C2CD2: variants seen among roughly 807,000 people sequenced by gnomAD.
C2CD2 encodes the protein C2 calcium dependent domain containing 2.
In C2CD2, 43 loss-of-function variants were observed where a neutral mutation model predicts 74.3. The observed-to-expected ratio is 0.58, with a 90% CI of 0.45 to 0.75. The LOEUF is 0.75. Among genes scored for constraint, C2CD2 ranks in the 30% least tolerant of loss-of-function variants. The pLI is 0.00. For missense variants in C2CD2, 801 were observed against 916.3 expected (o/e 0.87, Z 1.63); for synonymous variants, 422 against 390.7 (o/e 1.08, Z -0.94).
chr21:41,904,607 G>A (rs988163679), intron 11 of C2CD2, among the ~76,000 whole-genome samples: 2 of 152,170 alleles, frequency 1.3e-5, no homozygotes, highest in South Asian at 2.1e-4. Context: ...ACTGCAGGTG[G>A]GGGACCCAGC....
chr21:41,924,413 G>A lies in C2CD2; in HGVS notation c.379-2328C>T, dbSNP rs1009393799. Among the ~76,000 whole-genome samples, 5 of 152,316 alleles carry A rather than the reference G, an allele frequency of 3.3e-5. No homozygotes were observed. Among genetic ancestry groups the A allele is most frequent in the East Asian group, 3.9e-4 (2 of 5,188 alleles). On this transcript the variant is annotated intron_variant, in intron 2 of 13. Coordinates refer to ENST00000380486, the MANE Select transcript of C2CD2 (RefSeq NM_015500.2). The surrounding 1 kb of genome is among the most constrained non-coding windows in gnomAD (Gnocchi z 4.4). ...CTTCTCTCAATATTGGCAGAAAGTCGTGCAACTCTTTCTACCGGTTCTTAT... is the reference window on the plus strand; with the variant it reads ...CTTCTCTCAATATTGGCAGAAAGTCATGCAACTCTTTCTACCGGTTCTTAT...
rs1427468814 is a variant in C2CD2 at position 41,889,062 on chromosome 21, T to A, written c.*62A>T. 3 of 1,259,274 alleles carry A rather than the reference T, an allele frequency of 2.4e-6. No homozygotes were observed. The highest frequency in any genetic ancestry group is 3.5e-6 in the Non-Finnish European group (3 of 863,558). The allele number at this position is 1,259,274 out of a possible 1,614,324, so 78.0% of individuals were successfully genotyped here. On this transcript the variant is annotated 3_prime_UTR_variant, in exon 14 of 14. Coordinates refer to ENST00000380486, the MANE Select transcript of C2CD2 (RefSeq NM_015500.2). The stretch of plus-strand genomic sequence containing the variant: ...ACATCCGGCGGACACACTGGCTGCG[T>A]CCTGGTGAGGGTAGTTAACATGGGT...
Position 41,926,479 on chromosome 21 carries a change from GA to G in C2CD2, c.379-4395del. The G allele has an allele frequency of 2.5e-6, 2 of 809,546 alleles. No individual in the cohort carries two copies. Among genetic ancestry groups the G allele is most frequent in the Non-Finnish European group, 3.0e-6 (2 of 669,240 alleles). The allele number at this position is 809,546 out of a possible 1,614,324, so 50.1% of individuals were successfully genotyped here. On this transcript the variant is annotated intron_variant, in intron 2 of 13. Transcript: ENST00000380486. This position sits in a 1 kb window ranked among gnomAD's most constrained non-coding sequence, Gnocchi z 8.0. ...ACCACGGGGAGGGGAAAACAAGACT[GA>G]AGGCTGAAGAGCAGGCTGAGCGGGG...
chr21:41,905,716 TC>T lies in C2CD2; in HGVS notation c.1432+7del. 1 of 1,500,844 alleles carries T rather than the reference TC, an allele frequency of 6.7e-7. No homozygotes were observed. Among genetic ancestry groups the T allele is most frequent in the Non-Finnish European group, 9.3e-7 (1 of 1,080,058 alleles). 93.0% of individuals were successfully genotyped at this position (1,500,844 alleles called of 1,614,324 possible). ...AGAGGGAGAGCGACGTGGGCGTGTCTCAGTTACCTGTGTCTGAAGAAGAGAG... is the reference window on the plus strand; with the variant it reads ...AGAGGGAGAGCGACGTGGGCGTGTCTAGTTACCTGTGTCTGAAGAAGAGAG... On this transcript the variant is annotated splice_region_variant and intron_variant, in intron 11 of 13. Transcript: ENST00000380486.
At position 41,944,491 on chromosome 21, in the gene C2CD2, G is replaced by A. The variant is rs538811132; in HGVS notation, c.280-2246C>T. On this transcript the variant is annotated intron_variant, in intron 1 of 13. Coordinates refer to ENST00000380486, the MANE Select transcript of C2CD2 (RefSeq NM_015500.2). ...GAGCCGAGATCATGCCACTGCACTT[G>A]AGCCTGGGCGACAGAGCGAGACTCT... 6.1e-5 allele frequency among the ~76,000 whole-genome samples: 8 copies of A among 131,068 alleles called. No homozygotes were observed. In the South Asian group the frequency reaches 1.9e-3, roughly 32 times the overall value. The allele number at this position is 131,068 out of a possible 152,430, so 86.0% of individuals were successfully genotyped here.
At chr21:41,914,141 G>A (rs1337517464) in intron 6 of C2CD2, among the ~76,000 whole-genome samples, 14 of 151,996 alleles carry the variant, frequency 9.2e-5, no homozygotes, top group Non-Finnish European at 1.6e-4. Flanking sequence ...CAGGAGAATC[G>A]CTTGAACCCA....
In C2CD2 at chr21:41,926,548, C is replaced by T. The variant is rs920017370; in HGVS notation, c.379-4463G>A. ...CTCGGTGCTCTCTCCAGCCTCAACA[C>T]CTTGACCTCATGTAGTCACATACCT... On this transcript the variant is annotated intron_variant, in intron 2 of 13. Transcript: ENST00000380486. This position sits in a 1 kb window ranked among gnomAD's most constrained non-coding sequence, Gnocchi z 8.0. 1.7e-5 allele frequency: 14 copies of T among 811,992 alleles called. No homozygotes were observed. The South Asian group carries it at 7.8e-4, about 45-fold the overall frequency. The allele number at this position is 811,992 out of a possible 1,614,324, so 50.3% of individuals were successfully genotyped here.
chr21:41,914,614 G>T lies in C2CD2; in HGVS notation c.828C>A (p.Ser276Arg), dbSNP rs150601712. Reference sequence around the variant, plus strand: ...GTCACCCACCTGAGGCACCGGGCTCGCTGAGCAGCAAGACGTGGATGTTCC... The same window carrying T: ...GTCACCCACCTGAGGCACCGGGCTCTCTGAGCAGCAAGACGTGGATGTTCC... ...LVRNIHVLLL[S>R]EPGASGHINA... The change falls in exon 6 of 14, where the codon AGC becomes AGA. Residue 276 changes from serine to arginine, a missense_variant. Coordinates refer to ENST00000380486, the MANE Select transcript of C2CD2 (RefSeq NM_015500.2). 1 of 1,613,656 alleles carries T rather than the reference G, an allele frequency of 6.2e-7. No homozygotes were observed. Among genetic ancestry groups the T allele is most frequent in the African/African-American group, 1.3e-5 (1 of 75,032 alleles).
intron 1 of C2CD2, among the ~76,000 whole-genome samples, chr21:41,949,923 G>A (rs1040817136): frequency 1.3e-5 from 2 of 152,178 alleles, no homozygotes; most frequent in African/African-American, 4.8e-5. Flanking sequence ...TCACTCATAG[G>A]TGGGAGTTGA....
Position 41,923,282 on chromosome 21 carries a change from C to T in C2CD2, c.379-1197G>A, listed in dbSNP as rs1052133758. Reference sequence around the variant, plus strand: ...TGCTAGGATTACAGGCATGAGCCACCGTGCCCGGCCAACAAAGTCTTTTTC... The same window carrying T: ...TGCTAGGATTACAGGCATGAGCCACTGTGCCCGGCCAACAAAGTCTTTTTC... On this transcript the variant is annotated intron_variant, in intron 2 of 13. Transcript: ENST00000380486. The surrounding 1 kb of genome is among the most constrained non-coding windows in gnomAD (Gnocchi z 5.8). Among the ~76,000 whole-genome samples the T allele has an allele frequency of 9.9e-5, 15 of 152,168 alleles. No individual in the cohort carries two copies. Among genetic ancestry groups the T allele is most frequent in the Non-Finnish European group, 2.2e-4 (15 of 68,030 alleles).
In C2CD2 at chr21:41,899,341, C is replaced by G; in HGVS notation, c.1582G>C (p.Asp528His). ...ISKTSLSQDH[D>H]AALMQGYTAS... ...GTGTAGCCCTGCATCAGGGCAGCGT[C>G]GTGGTCCTGAGATAGTGAGGTCTGT... Residue 528 changes from aspartate to histidine, a missense_variant, in exon 13 of 14, where the codon GAC becomes CAC. Coordinates refer to ENST00000380486, the MANE Select transcript of C2CD2 (RefSeq NM_015500.2). The surrounding 1 kb of genome is among the most constrained non-coding windows in gnomAD (Gnocchi z 4.4). 2 of 1,607,116 alleles carry G rather than the reference C, an allele frequency of 1.2e-6. No individual in the cohort carries two copies. The highest frequency in any genetic ancestry group is 1.1e-5 in the South Asian group (1 of 91,030).
chr21:41,946,429 A>C (rs563664217), intron 1 of C2CD2, among the ~76,000 whole-genome samples: 1 of 152,270 alleles, frequency 6.6e-6, no homozygotes, highest in African/African-American at 2.4e-5. Context: ...CTGTACAGTG[A>C]GTGAGTTCTC....
At chr21:41,891,039 T>C (rs2064746837) in intron 13 of C2CD2, among the ~76,000 whole-genome samples, 1 of 152,236 alleles carries the variant, frequency 6.6e-6, no homozygotes, top group Non-Finnish European at 1.5e-5. Context: ...AAATCACTTT[T>C]TATGACGTGT....
rs1444175459 is a variant in C2CD2, at chr21:41,926,759, T to TC, written c.379-4675dup. ...CCTGTACAGCTGCCTCGGCTCCTTC[T>TC]CTTAGAACACTCTAGAGAACTGGAA... On this transcript the variant is annotated intron_variant, in intron 2 of 13. Coordinates refer to ENST00000380486, the MANE Select transcript of C2CD2 (RefSeq NM_015500.2). This position sits in a 1 kb window ranked among gnomAD's most constrained non-coding sequence, Gnocchi z 8.0. 4.1e-6 allele frequency: 1 copy of TC among 241,766 alleles called. No homozygotes were observed. Among genetic ancestry groups the TC allele is most frequent in the African/African-American group, 2.3e-5 (1 of 43,038 alleles). 15.0% of individuals were successfully genotyped at this position (241,766 alleles called of 1,614,324 possible).
At chr21:41,915,532 G>A (rs2065079930) in intron 5 of C2CD2, among the ~76,000 whole-genome samples, 1 of 152,024 alleles carries the variant, frequency 6.6e-6, no homozygotes, top group Non-Finnish European at 1.5e-5. Flanking sequence ...TGCCTCCTGG[G>A]TGCAAGCGAT....
At chr21:41,893,951 G>T (rs890786011) in intron 13 of C2CD2, among the ~76,000 whole-genome samples, 2 of 152,108 alleles carry the variant, frequency 1.3e-5, no homozygotes, top group African/African-American at 4.8e-5. Flanking sequence ...CGCCCACCTC[G>T]GCCTCCCAAA....
At position 41,905,782 on chromosome 21, in the gene C2CD2, G is replaced by A. The variant is rs375648949; in HGVS notation, c.1374C>T (p.Val458=). The A allele has an allele frequency of 7.5e-5, 121 of 1,612,438 alleles. No homozygotes were observed. Among genetic ancestry groups the A allele is most frequent in the Non-Finnish European group, 1.0e-4 (120 of 1,178,544 alleles). The change falls in exon 11 of 14, where the codon GTC becomes GTT. Residue 458 remains valine (V), a synonymous_variant. Coordinates refer to ENST00000380486, the MANE Select transcript of C2CD2 (RefSeq NM_015500.2). ...GGGCGCTGCGGCAGGCGATGGCCTG[G>A]ACAGAGATGTCCTTCTCGATCACCT... The part of the protein sequence containing the change: ...KVKVIEKDIS[V]QAIACRSAPV...
chr21:41,911,860 G>A (rs920671589), intron 7 of C2CD2, among the ~76,000 whole-genome samples: 5 of 152,132 alleles, frequency 3.3e-5, no homozygotes, highest in African/African-American at 1.2e-4. Flanking sequence ...CACCATGCCC[G>A]GTTAAATTTT....
At position 41,939,769 on chromosome 21, in the gene C2CD2, C is replaced by T. The variant is rs974302683; in HGVS notation, c.378+2378G>A. On this transcript the variant is annotated intron_variant, in intron 2 of 13. Transcript: ENST00000380486. This position sits in a 1 kb window ranked among gnomAD's most constrained non-coding sequence, Gnocchi z 5.5. ...TGACGAGGGTATGCAGGAAGGAGAG[C>T]TCTCCTATGCTGCTGGGGCAGAGAA... Among the ~76,000 whole-genome samples, 5 of 152,204 alleles carry T rather than the reference C, an allele frequency of 3.3e-5. No individual in the cohort carries two copies. The highest frequency in any genetic ancestry group is 1.2e-4 in the African/African-American group (5 of 41,448).
Sources: allele counts gnomAD v4.1 joint callset (sites outside exome capture counted in the v4.1 genomes callset), GRCh38; gene constraint gnomAD v4.1.1; non-coding constraint Gnocchi (gnomAD v3.1); transcripts MANE v1.5; gene names NCBI Gene and HGNC (gene_info 2026-07-23, HGNC 2026-07-21).